Variants in SMOC1 observed in about 807,000 individuals in gnomAD.
SMOC1 encodes the protein SPARC-related modular calcium-binding protein 1.
Under a neutral mutation model 56.3 loss-of-function variants are expected in SMOC1, and 22 were observed. That is an observed-to-expected ratio of 0.39 (90% CI 0.28 to 0.56). The LOEUF is 0.56. SMOC1 is among the 20% of genes least tolerant of loss of function. The probability of loss-of-function intolerance (pLI) is 0.61; values close to 1 mark genes in which losing one functional copy is unlikely to be tolerated. For missense variants in SMOC1, 509 were observed against 565.4 expected (o/e 0.90, Z 1.01); for synonymous variants, 193 against 215.0 (o/e 0.90, Z 0.89).
Position 69,900,065 on chromosome 14 carries a change from C to G in SMOC1, c.99+20288C>G, listed in dbSNP as rs373804096. On this transcript the variant is annotated intron_variant, in intron 1 of 11. Coordinates refer to ENST00000361956, the MANE Select transcript of SMOC1 (RefSeq NM_001034852.3). Reference sequence around the variant, plus strand: ...CATACCCATTTCTATTCACTCCAGACACACACAAACAGAGTGTGCTCAGTG... The same window carrying G: ...CATACCCATTTCTATTCACTCCAGAGACACACAAACAGAGTGTGCTCAGTG... Among the ~76,000 whole-genome samples, 7 of 152,346 alleles carry G rather than the reference C, an allele frequency of 4.6e-5. 2 individuals are homozygous for G. Among genetic ancestry groups the G allele is most frequent in the Admixed American group, 1.3e-4 (2 of 15,312 alleles).
At chr14:70,011,379 A>C (rs1398866146) in intron 8 of SMOC1, 106 bp from the exon 9 acceptor site, 10 of 1,083,174 alleles carry the variant, frequency 9.2e-6, no homozygotes, top group Non-Finnish European at 7.1e-6. Flanking sequence ...GCCCACCCTC[A>C]GTGCTTTAGG....
intron 4 of SMOC1, 108 bp downstream of exon 4, chr14:69,975,922 C>T (rs1020622109): frequency 1.3e-6 from 1 of 770,050 alleles, no homozygotes; most frequent in Non-Finnish European, 2.3e-6. Context: ...TGGTGATGAA[C>T]CTTTTTCTAG....
chr14:69,957,934 A>C (rs1348056759), intron 3 of SMOC1, among the ~76,000 whole-genome samples: 2 of 152,252 alleles, frequency 1.3e-5, no homozygotes, highest in South Asian at 2.1e-4. Context: ...GTTTACACGC[A>C]GAAAAGAGAT....
intron 7 of SMOC1, among the ~76,000 whole-genome samples, chr14:70,000,289 G>A (rs954367400): frequency 3.3e-5 from 5 of 152,144 alleles, no homozygotes; most frequent in African/African-American, 1.2e-4. Context: ...ACCTTTGTCT[G>A]TGCCTTCTCC....
At chr14:69,881,511 G>A (rs1883638355) in intron 1 of SMOC1, among the ~76,000 whole-genome samples, 1 of 152,126 alleles carries the variant, frequency 6.6e-6, no homozygotes, top group African/African-American at 2.4e-5. Context: ...CAGGCACCGT[G>A]GTTAGGTTCC....
chr14:70,005,493 C>G (rs1307518325), intron 7 of SMOC1, among the ~76,000 whole-genome samples: 8 of 152,178 alleles, frequency 5.3e-5, no homozygotes, highest in African/African-American at 1.4e-4. Context: ...TCCTGCTGGA[C>G]TTTGGTCCTT....
intron 1 of SMOC1, among the ~76,000 whole-genome samples, chr14:69,884,803 T>C (rs940900855): frequency 6.6e-6 from 1 of 152,210 alleles, no homozygotes; most frequent in East Asian, 1.9e-4. Flanking sequence ...TCTGTTTTTA[T>C]GCCATTACCA....
At chr14:70,023,180 G>T (rs780578435) in intron 10 of SMOC1, 23 bp from the exon 11 acceptor site, 1 of 1,613,970 alleles carries the variant, frequency 6.2e-7, no homozygotes, top group South Asian at 1.1e-5. Context: ...TCTCTGCGGT[G>T]GGGGTGTTTG....
intron 1 of SMOC1, among the ~76,000 whole-genome samples, chr14:69,907,544 A>G (rs1259948523): frequency 6.6e-6 from 1 of 152,226 alleles, no homozygotes; most frequent in African/African-American, 2.4e-5. Context: ...GGTAGAGACA[A>G]CAAAGGTGTG....
rs1191907787 is a variant in SMOC1, at chr14:70,030,975, C to T, written c.*717C>T. 4 of 152,220 alleles carry T rather than the reference C, an allele frequency of 2.6e-5. No individual in the cohort carries two copies. The allele number at this position is 152,220 out of a possible 1,614,324, so 9.4% of individuals were successfully genotyped here. ...GAGTCCAGATCCCATGAATAGCCCACACAGGTACCGGCTCTCAGAGGGTCC... is the reference window on the plus strand; with the variant it reads ...GAGTCCAGATCCCATGAATAGCCCATACAGGTACCGGCTCTCAGAGGGTCC... On this transcript the variant is annotated 3_prime_UTR_variant, in exon 12 of 12. Coordinates refer to ENST00000361956, the MANE Select transcript of SMOC1 (RefSeq NM_001034852.3).
At chr14:69,937,686 A>T (rs1440382054) in intron 1 of SMOC1, among the ~76,000 whole-genome samples, 1 of 152,204 alleles carries the variant, frequency 6.6e-6, no homozygotes, top group Non-Finnish European at 1.5e-5. Flanking sequence ...CGCCAGTCCC[A>T]CACGGGCCAA....
At chr14:69,996,469 C>T (rs1236687403) in intron 7 of SMOC1, among the ~76,000 whole-genome samples, 3 of 152,308 alleles carry the variant, frequency 2.0e-5, no homozygotes, top group East Asian at 3.9e-4. Flanking sequence ...TCTTCTTGGG[C>T]TGTATTCTCT....
chr14:69,999,239 C>T (rs958500722), intron 7 of SMOC1, among the ~76,000 whole-genome samples: 1 of 152,142 alleles, frequency 6.6e-6, no homozygotes, highest in Non-Finnish European at 1.5e-5. Context: ...TTGCTTCTTC[C>T]TCACCCAGGA....
At chr14:69,913,088 G>T (rs1251963766) in intron 1 of SMOC1, among the ~76,000 whole-genome samples, 1 of 152,214 alleles carries the variant, frequency 6.6e-6, no homozygotes, top group African/African-American at 2.4e-5. Context: ...AAAAAACCCA[G>T]ATTATAGCTT....
At chr14:69,954,274 G>T (rs1883111043) in intron 3 of SMOC1, among the ~76,000 whole-genome samples, 1 of 152,106 alleles carries the variant, frequency 6.6e-6, no homozygotes, top group Non-Finnish European at 1.5e-5. Context: ...GAACTCCTGG[G>T]ATCAAGCAAT....
intron 1 of SMOC1, among the ~76,000 whole-genome samples, chr14:69,910,065 A>C (rs1270642804): frequency 6.6e-6 from 1 of 152,192 alleles, no homozygotes; most frequent in Non-Finnish European, 1.5e-5. Flanking sequence ...TTATGTTTTC[A>C]GGTTTATGTG....
chr14:70,005,510 T>G (rs568520990), intron 7 of SMOC1, among the ~76,000 whole-genome samples: 1 of 152,348 alleles, frequency 6.6e-6, no homozygotes, highest in African/African-American at 2.4e-5. Context: ...CCTTCTTTGC[T>G]ATGTGCAATT....
intron 10 of SMOC1, 122 bp from the exon 11 acceptor site, chr14:70,023,080 TG>T: frequency 6.8e-7 from 1 of 1,472,276 alleles, no homozygotes; most frequent in African/African-American, 1.4e-5. Flanking sequence ...CCGCTGTGGG[TG>T]GACTTTGGCT....
At chr14:69,960,370 G>T (rs1325614312) in intron 3 of SMOC1, among the ~76,000 whole-genome samples, 1 of 152,200 alleles carries the variant, frequency 6.6e-6, no homozygotes, top group African/African-American at 2.4e-5. Context: ...TTCAGCCACA[G>T]TTGGCCCCTT....
Sources: allele counts gnomAD v4.1 joint callset (sites outside exome capture counted in the v4.1 genomes callset), GRCh38; gene constraint gnomAD v4.1.1; transcripts MANE v1.5; gene names NCBI Gene and HGNC (gene_info 2026-07-23, HGNC 2026-07-21).